Variants in IDO2 observed in about 807,000 individuals in gnomAD.
IDO2 encodes indoleamine 2,3-dioxygenase 2.
IDO2 carries 46 observed loss-of-function variants against 45.1 expected under a neutral mutation model. The observed-to-expected ratio is 1.02, with a 90% CI of 0.80 to 1.30. The LOEUF (loss-of-function observed/expected upper bound fraction) is 1.30, where lower values mean the gene tolerates loss of function less well. Among genes scored for constraint, IDO2 ranks in the 50% most tolerant of loss-of-function variants. IDO2 has a pLI of 0.00. For missense variants in IDO2, 544 were observed against 491.8 expected (o/e 1.11, Z -1.00); for synonymous variants, 218 against 184.9 (o/e 1.18, Z -1.45).
rs537848030 is a variant in IDO2, at chr8:39,947,113, G to A, written c.-17-2036G>A. On this transcript the variant is annotated intron_variant, in intron 1 of 10. Coordinates refer to ENST00000502986, the Ensembl canonical transcript of IDO2. ...AGAGGTTGCAGTGAGCAGAGATCGCGCCACTGCACTCAAGCCTAACCAACA... is the reference window on the plus strand; with the variant it reads ...AGAGGTTGCAGTGAGCAGAGATCGCACCACTGCACTCAAGCCTAACCAACA... Among the ~76,000 whole-genome samples, 11 of 136,924 alleles carry A rather than the reference G, an allele frequency of 8.0e-5. No homozygotes were observed. The South Asian group carries it at 1.6e-3, about 20-fold the overall frequency. 89.8% of individuals were successfully genotyped at this position (136,924 alleles called of 152,430 possible). A position where few individuals can be genotyped will look rare whatever the true frequency, so the allele number is the denominator to read the frequency against.
rs538460190 is a variant in IDO2 at position 39,962,027 on chromosome 8, A to T, written c.100-1581A>T. 5.9e-5 allele frequency among the ~76,000 whole-genome samples: 9 copies of T among 152,328 alleles called. No homozygotes were observed. The South Asian group carries it at 1.9e-3, about 32-fold the overall frequency. On this transcript the variant is annotated intron_variant, in intron 2 of 10. Transcript: ENST00000502986. ...TTGCAACTACCAACTCTCCTGCTGTAATGTAAAAGCAACCATAGATAGCAT... is the reference window on the plus strand; with the variant it reads ...TTGCAACTACCAACTCTCCTGCTGTTATGTAAAAGCAACCATAGATAGCAT...
In IDO2 at chr8:39,979,286, G is replaced by A. The variant is rs577286319; in HGVS notation, c.315+100G>A. The A allele has an allele frequency of 1.5e-3, 1,977 of 1,338,764 alleles. 52 individuals are homozygous for A. In the South Asian group the frequency reaches 0.027, roughly 18 times the overall value. The allele number at this position is 1,338,764 out of a possible 1,614,324, so 82.9% of individuals were successfully genotyped here. A position where few individuals can be genotyped will look rare whatever the true frequency, so the allele number is the denominator to read the frequency against. On this transcript the variant is annotated intron_variant, in intron 4 of 10. Coordinates refer to ENST00000502986, the Ensembl canonical transcript of IDO2. ...TGCTACCCTGTTTTCCTGGAAAATG[G>A]GTACTTTCTTCTTCTCGATGGGCAT...
intron 1 of IDO2, among the ~76,000 whole-genome samples, chr8:39,941,104 C>T (rs1274875246): frequency 6.6e-6 from 1 of 150,842 alleles, no homozygotes; most frequent in African/African-American, 2.4e-5. Flanking sequence ...GGCCCGTAAT[C>T]CCAGCTACTC....
chr8:39,976,065 C>T (rs1043208324), intron 3 of IDO2, among the ~76,000 whole-genome samples: 63 of 152,092 alleles, frequency 4.1e-4, no homozygotes, highest in Non-Finnish European at 5.9e-4. Flanking sequence ...CTGAAACCTC[C>T]ACCTCCCAGG....
chr8:39,949,999 A>G (rs1807789350), intron 2 of IDO2, among the ~76,000 whole-genome samples: 1 of 152,042 alleles, frequency 6.6e-6, no homozygotes, highest in African/African-American at 2.4e-5. Flanking sequence ...TGTTTTTCTC[A>G]TCTGGTGTGG....
Position 39,966,026 on chromosome 8 carries a change from C to CTTTTTT in IDO2, c.195+2338_195+2343dup, listed in dbSNP as rs59731560. 7.7e-4 allele frequency among the ~76,000 whole-genome samples: 74 copies of CTTTTTT among 96,530 alleles called. 1 individual carries two copies. The highest frequency in any genetic ancestry group is 1.7e-3 in the African/African-American group (47 of 27,802). The allele number at this position is 96,530 out of a possible 152,430, so 63.3% of individuals were successfully genotyped here. Reference sequence around the variant, plus strand: ...ACAACACTCTTGGTCTCTATCGCTTCTTTTTTTTTTTTTTTTTTTTGAGAC... The same window carrying CTTTTTT: ...ACAACACTCTTGGTCTCTATCGCTTCTTTTTTTTTTTTTTTTTTTTTTTTTTGAGAC... On this transcript the variant is annotated intron_variant, in intron 3 of 10. Transcript: ENST00000502986.
rs769875945 is a variant in IDO2 at position 39,957,562 on chromosome 8, T to C, written c.100-6046T>C. The stretch of plus-strand genomic sequence containing the variant: ...GGGAGTTTGAGGCTGCAATAAGCTA[T>C]ATTTGTACCACTACACTCCAGTGTG... On this transcript the variant is annotated intron_variant, in intron 2 of 10. Transcript: ENST00000502986. 5.9e-5 allele frequency among the ~76,000 whole-genome samples: 9 copies of C among 152,300 alleles called. 1 individual carries two copies. Among genetic ancestry groups the C allele is most frequent in the Middle Eastern group, 3.4e-3 (1 of 294 alleles).
At chr8:39,987,795 G>A (rs191755782) in intron 6 of IDO2, 76 bp from the exon 7 acceptor site, 10 of 820,892 alleles carry the variant, frequency 1.2e-5, no homozygotes, top group Non-Finnish European at 2.0e-5. Context: ...TATCTAACTC[G>A]GCAGGGAACT....
intron 8 of IDO2, among the ~76,000 whole-genome samples, chr8:40,001,534 C>T (rs543773095): frequency 1.4e-3 from 209 of 152,052 alleles, no homozygotes; most frequent in African/African-American, 4.8e-3. Flanking sequence ...AGGAGTGAGC[C>T]ACTGCGCCCA....
chr8:39,950,237 C>T (rs142336536), intron 2 of IDO2, among the ~76,000 whole-genome samples: 133 of 152,184 alleles, frequency 8.7e-4, no homozygotes, highest in African/African-American at 2.2e-3. Context: ...AGTTAAAAAT[C>T]GTGGGGTCCA....
chr8:39,978,111 T>C (rs1308932688), intron 3 of IDO2, among the ~76,000 whole-genome samples: 2 of 152,212 alleles, frequency 1.3e-5, no homozygotes, highest in Non-Finnish European at 2.9e-5. Context: ...AAGTGCGCAG[T>C]CTGGCCATGG....
At chr8:39,978,500 G>C (rs947735177) in intron 3 of IDO2, among the ~76,000 whole-genome samples, 2 of 152,138 alleles carry the variant, frequency 1.3e-5, no homozygotes, top group Non-Finnish European at 2.9e-5. Context: ...TCACAGTGAT[G>C]CTGTGTCTTC....
At chr8:39,995,913 G>C (rs1224192813) in intron 8 of IDO2, among the ~76,000 whole-genome samples, 1 of 152,098 alleles carries the variant, frequency 6.6e-6, no homozygotes, top group African/African-American at 2.4e-5. Context: ...GTCACCTAAC[G>C]GACCGTGGTC....
chr8:39,996,162 C>T (rs921245729), intron 8 of IDO2, among the ~76,000 whole-genome samples: 44 of 151,858 alleles, frequency 2.9e-4, no homozygotes, highest in African/African-American at 1.0e-3. Flanking sequence ...TTAGAGAAGA[C>T]TCTGCTCCAC....
At chr8:39,965,801 A>T (rs1563429459) in intron 3 of IDO2, among the ~76,000 whole-genome samples, 1 of 152,164 alleles carries the variant, frequency 6.6e-6, no homozygotes, top group Non-Finnish European at 1.5e-5. Flanking sequence ...GATTGCTGGC[A>T]GTCACCAGGA....
At chr8:40,010,659 G>C (rs1223495714) in intron 9 of IDO2, among the ~76,000 whole-genome samples, 3 of 152,182 alleles carry the variant, frequency 2.0e-5, no homozygotes. Context: ...AAAGTTGATG[G>C]AAAGATATGA....
intron 2 of IDO2, among the ~76,000 whole-genome samples, chr8:39,957,452 A>G (rs950206479): frequency 1.3e-5 from 2 of 151,926 alleles, no homozygotes; most frequent in Admixed American, 1.3e-4. Context: ...TCTCTACAAA[A>G]ATAAAAAAGA....
intron 8 of IDO2, among the ~76,000 whole-genome samples, chr8:40,004,892 T>A (rs1218731804): frequency 2.6e-5 from 4 of 152,228 alleles, no homozygotes; most frequent in Non-Finnish European, 5.9e-5. Context: ...CGCTCTTGTA[T>A]CCTTCACTGA....
chr8:39,982,994 C>T (rs1320383789), intron 5 of IDO2, among the ~76,000 whole-genome samples: 3 of 152,160 alleles, frequency 2.0e-5, no homozygotes, highest in Non-Finnish European at 4.4e-5. Flanking sequence ...TTCCACATGA[C>T]GTGTGAATTT....
Sources: allele counts gnomAD v4.1 joint callset (sites outside exome capture counted in the v4.1 genomes callset), GRCh38; gene constraint gnomAD v4.1.1; transcripts MANE v1.5; gene names NCBI Gene and HGNC (gene_info 2026-07-23, HGNC 2026-07-21).